The following CNTNAP4 variants were observed in gnomAD, a reference collection of about 807,000 sequenced individuals.
The protein encoded by CNTNAP4 is contactin-associated protein-like 4.
CNTNAP4 carries 98 observed loss-of-function variants against 148.4 expected under a neutral mutation model. That is an observed-to-expected ratio of 0.66 (90% confidence interval 0.56 to 0.78). CNTNAP4 has a LOEUF of 0.78. Ranked by LOEUF, CNTNAP4 falls within the 30% of genes least tolerant of loss-of-function variation. The probability of loss-of-function intolerance (pLI) is 0.00; values close to 1 mark genes in which losing one functional copy is unlikely to be tolerated. For synonymous variants in CNTNAP4, 730 were observed against 565.1 expected (o/e 1.29, Z -4.14); for missense variants, 1,935 against 1,565.6 (o/e 1.24, Z -3.98).
rs1174247027 is a variant in CNTNAP4 at position 76,292,620 on chromosome 16, C to T, written c.85+14873C>T. Among the ~76,000 whole-genome samples, 9 of 152,154 alleles carry T rather than the reference C, an allele frequency of 5.9e-5. No homozygotes were observed. In the South Asian group the frequency reaches 6.2e-4, roughly 11 times the overall value. On this transcript the variant is annotated intron_variant, in intron 1 of 23. Coordinates refer to ENST00000611870, the MANE Select transcript of CNTNAP4 (RefSeq NM_033401.5). ...ATGATTTACTATTTATGGGTAGGAC[C>T]TCCTAACTGCTGTATCATTCCTCTC...
chr16:76,342,338 T>C (rs913862553), intron 2 of CNTNAP4, among the ~76,000 whole-genome samples: 7 of 152,314 alleles, frequency 4.6e-5, no homozygotes, highest in African/African-American at 1.7e-4. Context: ...TCTTCTCAGT[T>C]ATGCATCTGT....
intron 2 of CNTNAP4, among the ~76,000 whole-genome samples, chr16:76,325,184 G>A (rs1189706397): frequency 2.0e-5 from 3 of 152,022 alleles, no homozygotes; most frequent in East Asian, 3.9e-4. Context: ...ATACAAAATT[G>A]TTAATGTATA....
chr16:76,487,216 T>G (rs201694469), intron 12 of CNTNAP4, among the ~76,000 whole-genome samples: 7 of 152,162 alleles, frequency 4.6e-5, no homozygotes, highest in Admixed American at 1.3e-4. Context: ...TCAGATAACC[T>G]AGGAGGTTGT....
chr16:76,521,368 T>A, intron 16 of CNTNAP4, 58 bp downstream of exon 16: 2 of 1,419,172 alleles, frequency 1.4e-6, no homozygotes, highest in Non-Finnish European at 9.5e-7. Flanking sequence ...GTAAATCTTT[T>A]AACTAATTTT....
At chr16:76,308,101 A>C (rs1188080406) in intron 1 of CNTNAP4, among the ~76,000 whole-genome samples, 1 of 144,654 alleles carries the variant, frequency 6.9e-6, no homozygotes, top group Non-Finnish European at 1.5e-5. Flanking sequence ...ACTGATAGTT[A>C]CTTGTTTTAA....
intron 12 of CNTNAP4, among the ~76,000 whole-genome samples, chr16:76,487,068 G>C (rs1181994956): frequency 1.3e-5 from 2 of 152,124 alleles, no homozygotes; most frequent in African/African-American, 4.8e-5. Flanking sequence ...TCCTTAACTT[G>C]CAAGTGGGAT....
chr16:76,392,186 G>T (rs1380931140), intron 3 of CNTNAP4, among the ~76,000 whole-genome samples: 3 of 152,048 alleles, frequency 2.0e-5, no homozygotes, highest in African/African-American at 7.2e-5. Flanking sequence ...TAGAGATGGG[G>T]TTTCATCTTG....
chr16:76,334,983 T>A (rs1277377471), intron 2 of CNTNAP4, among the ~76,000 whole-genome samples: 2 of 151,978 alleles, frequency 1.3e-5, no homozygotes, highest in African/African-American at 4.8e-5. Flanking sequence ...TGGTGTATTG[T>A]GTTGTAGATT....
intron 2 of CNTNAP4, among the ~76,000 whole-genome samples, chr16:76,334,569 T>C (rs1963856673): frequency 1.3e-5 from 2 of 152,212 alleles, no homozygotes; most frequent in African/African-American, 4.8e-5. Flanking sequence ...CAAAATGTGC[T>C]TTTTAATAAG....
At chr16:76,555,784 C>T (rs79317719) in intron 23 of CNTNAP4, among the ~76,000 whole-genome samples, 2 of 152,314 alleles carry the variant, frequency 1.3e-5, no homozygotes, top group East Asian at 1.9e-4. Flanking sequence ...CTCAAATTCA[C>T]AGGACAGAAA....
In CNTNAP4 at chr16:76,538,237, A is replaced by G. The variant is rs1359305639; in HGVS notation, c.3117A>G (p.Arg1039=). 3 of 1,611,766 alleles carry G rather than the reference A, an allele frequency of 1.9e-6. No individual in the cohort carries two copies. Among genetic ancestry groups the G allele is most frequent in the Non-Finnish European group, 2.5e-6 (3 of 1,179,146 alleles). Residue 1039 remains arginine, a synonymous_variant, in exon 19 of 24, where the codon AGA becomes AGG. Transcript: ENST00000611870. ...TTCATGGTGATATGAAGCTGAGCAG[A>G]GAAATGATCAAATTTAGTTTCCGAA... The part of the protein sequence containing the change: ...ASFHGDMKLS[R]EMIKFSFRTT...
At chr16:76,444,619 C>G (rs145457198) in intron 4 of CNTNAP4, among the ~76,000 whole-genome samples, 242 of 152,082 alleles carry the variant, frequency 1.6e-3, no homozygotes, top group African/African-American at 5.6e-3. Flanking sequence ...CCACATAACT[C>G]AGAATTTTGT....
intron 3 of CNTNAP4, among the ~76,000 whole-genome samples, chr16:76,383,348 A>G (rs1264877952): frequency 6.6e-6 from 1 of 150,966 alleles, no homozygotes; most frequent in Non-Finnish European, 1.5e-5. Context: ...GCTTCGAAAG[A>G]TTCTTGCCAA....
chr16:76,383,589 A>C (rs901953562), intron 3 of CNTNAP4, among the ~76,000 whole-genome samples: 2 of 152,192 alleles, frequency 1.3e-5, no homozygotes, highest in African/African-American at 4.8e-5. Context: ...ATCCCGATTT[A>C]AACAATATTG....
intron 3 of CNTNAP4, among the ~76,000 whole-genome samples, chr16:76,389,302 G>T (rs970314449): frequency 2.0e-5 from 3 of 152,122 alleles, no homozygotes; most frequent in African/African-American, 7.2e-5. Flanking sequence ...ATCAACTAAG[G>T]CATCTTAGTC....
chr16:76,322,479 G>C lies in CNTNAP4; in HGVS notation c.196+5956G>C, dbSNP rs181082825. On this transcript the variant is annotated intron_variant, in intron 2 of 23. Transcript: ENST00000611870. ...TTGAAGAGCGACTTCTTTGGTGTTA[G>C]ACATATCTGGAATTAATTCACTATT... 9.2e-5 allele frequency among the ~76,000 whole-genome samples: 14 copies of C among 152,278 alleles called. No individual in the cohort carries two copies. The East Asian group carries it at 2.5e-3, about 27-fold the overall frequency.
chr16:76,484,484 AG>A (rs892860938), intron 12 of CNTNAP4, among the ~76,000 whole-genome samples: 1 of 152,148 alleles, frequency 6.6e-6, no homozygotes, highest in African/African-American at 2.4e-5. Flanking sequence ...TTCAAACAAA[AG>A]TGACAACCCA....
At chr16:76,283,508 G>A (rs1371616161) in intron 1 of CNTNAP4, among the ~76,000 whole-genome samples, 2 of 152,042 alleles carry the variant, frequency 1.3e-5, no homozygotes, top group South Asian at 2.1e-4. Context: ...ATACTTTGTA[G>A]TGCCATGGAT....
chr16:76,483,221 A>C (rs2081903519), intron 12 of CNTNAP4, among the ~76,000 whole-genome samples: 1 of 132,352 alleles, frequency 7.6e-6, no homozygotes, highest in South Asian at 2.6e-4. Flanking sequence ...TAGTCTTTGA[A>C]GTTTTAAGAA....
Sources: gnomAD v4.1 joint callset for allele counts (sites outside exome capture counted in the v4.1 genomes callset) on GRCh38, gnomAD v4.1.1 for gene constraint, MANE v1.5 for transcripts, NCBI Gene and HGNC (gene_info 2026-07-23, HGNC 2026-07-21) for gene names.